The following DYNC2I1 variants were observed in gnomAD, a reference collection of about 807,000 sequenced individuals.
DYNC2I1 encodes cytoplasmic dynein 2 intermediate chain 1.
A neutral mutation model predicts 133.4 loss-of-function variants in DYNC2I1; 89 were observed. The ratio of observed to expected loss-of-function variants is 0.67; its 90% CI spans 0.56 to 0.80. DYNC2I1 has a LOEUF of 0.80. DYNC2I1 is among the 30% of genes least tolerant of loss of function. DYNC2I1 has a pLI of 0.00. For missense variants in DYNC2I1, 1,291 were observed against 1,314.5 expected (o/e 0.98, Z 0.28); for synonymous variants, 504 against 484.3 (o/e 1.04, Z -0.54).
In DYNC2I1 at chr7:158,876,658, T is replaced by C; in HGVS notation, c.540T>C (p.Asp180=). Residue 180 remains aspartate, a synonymous_variant, in exon 4 of 25, where the codon GAT becomes GAC. Coordinates refer to ENST00000407559, the MANE Select transcript of DYNC2I1 (RefSeq NM_018051.5). ...AAGATGAAGACTCTGAAAGAGGAGA[T>C]GAAGATAGAGAAAGAAGATACCGAG... is the stretch of plus-strand genomic sequence containing the variant. ...EEKDEDSERG[D]EDRERRYRER... The C allele has an allele frequency of 6.3e-7, 1 of 1,580,036 alleles. No individual in the cohort carries two copies. Among genetic ancestry groups the C allele is most frequent in the Non-Finnish European group, 8.5e-7 (1 of 1,169,822 alleles).
At chr7:158,890,659 T>A (rs1845118767) in intron 7 of DYNC2I1, among the ~76,000 whole-genome samples, 1 of 151,966 alleles carries the variant, frequency 6.6e-6, no homozygotes, top group South Asian at 2.1e-4. Context: ...GTGCAACCTC[T>A]GCCTCCTGAG....
intron 15 of DYNC2I1, among the ~76,000 whole-genome samples, chr7:158,919,882 C>T (rs896160983): frequency 9.4e-6 from 1 of 106,662 alleles, no homozygotes; most frequent in East Asian, 6.2e-4. Context: ...GTGTGCGCCG[C>T]CCCCAGGGAG....
chr7:158,954,641 C>T (rs879385088), intron 4 of DYNC2I1, among the ~76,000 whole-genome samples: 1 of 151,860 alleles, frequency 6.6e-6, no homozygotes, highest in Non-Finnish European at 1.5e-5. Flanking sequence ...GAATGAGACT[C>T]TCTCTCTAAA....
rs754866339 is a variant in DYNC2I1 at position 158,924,757 on chromosome 7, CCTT to C, written c.2257+1028_2257+1030del. On this transcript the variant is annotated intron_variant, in intron 17 of 24. Coordinates refer to ENST00000407559, the MANE Select transcript of DYNC2I1 (RefSeq NM_018051.5). ...AATAAATTATTCCATTAAAATACAT[CCTT>C]CTTTTTTTTTTTGAGATGTGGTCTG... 1.1e-4 allele frequency among the ~76,000 whole-genome samples: 16 copies of C among 152,172 alleles called. No homozygotes were observed. The South Asian group carries it at 2.3e-3, about 22-fold the overall frequency.
chr7:158,882,400 A>G lies in DYNC2I1; in HGVS notation c.880-2164A>G, dbSNP rs80271368. ...GGAGTTCAAGACCAGCCTGAGAAAT[A>G]TAGTGAGACCCCATCTCTACCAAAA... is the stretch of plus-strand genomic sequence containing the variant. On this transcript the variant is annotated intron_variant, in intron 5 of 24. Transcript: ENST00000407559. Among the ~76,000 whole-genome samples the G allele has an allele frequency of 6.1e-3, 930 of 152,110 alleles. 60 individuals carry two copies. The East Asian group carries it at 0.13, about 21-fold the overall frequency.
chr7:158,940,795 A>G (rs1851265957), intron 23 of DYNC2I1, among the ~76,000 whole-genome samples: 1 of 152,244 alleles, frequency 6.6e-6, no homozygotes, highest in African/African-American at 2.4e-5. Context: ...GAAAATGGAA[A>G]TGTGGCATAT....
chr7:158,912,016 C>T (rs1418713915), intron 12 of DYNC2I1, among the ~76,000 whole-genome samples: 1 of 152,158 alleles, frequency 6.6e-6, no homozygotes, highest in Non-Finnish European at 1.5e-5. Context: ...ACTCTGTCGC[C>T]CAGGCCAGAG....
chr7:158,876,421 T>C (rs576176019), intron 3 of DYNC2I1, among the ~76,000 whole-genome samples, 188 bp from the exon 4 acceptor site: 4 of 152,320 alleles, frequency 2.6e-5, no homozygotes, highest in African/African-American at 9.6e-5. Flanking sequence ...TTCATCTCCT[T>C]CTTCATTTTA....
At position 158,902,473 on chromosome 7, in the gene DYNC2I1, A is replaced by G. The variant is rs1846348179; in HGVS notation, c.1235A>G (p.Gln412Arg). The G allele has an allele frequency of 6.2e-7, 1 of 1,613,646 alleles. No homozygotes were observed. The highest frequency in any genetic ancestry group is 8.5e-7 in the Non-Finnish European group (1 of 1,179,576). ...AAACTGGAAGAACTTCCTCTAGCTCAAAAAAAGGAAATACAAGAAATTCAA... is the reference window on the plus strand; with the variant it reads ...AAACTGGAAGAACTTCCTCTAGCTCGAAAAAAGGAAATACAAGAAATTCAA... ...REKLEELPLA[Q>R]KKEIQEIQRA... is the part of the protein sequence containing the mutation. The change falls in exon 10 of 25, where the codon CAA (glutamine) becomes CGA (arginine). Residue 412 changes from glutamine (Q) to arginine (R), a missense_variant. Physicochemically the swap from Gln to Arg is conservative, Grantham distance 43. Coordinates refer to ENST00000407559, the MANE Select transcript of DYNC2I1 (RefSeq NM_018051.5).
upstream of DYNC2I1, among the ~76,000 whole-genome samples, chr7:158,854,545 G>C (rs1258844420): frequency 6.6e-6 from 1 of 152,128 alleles, no homozygotes; most frequent in Non-Finnish European, 1.5e-5. Flanking sequence ...TAATGTAGAT[G>C]ACGGGTTGAT....
At chr7:158,872,370 C>T (rs1167644776) in intron 3 of DYNC2I1, among the ~76,000 whole-genome samples, 5 of 150,772 alleles carry the variant, frequency 3.3e-5, no homozygotes, top group African/African-American at 7.3e-5. Context: ...CGGTGGCTCA[C>T]GCCTGTAATC....
intron 16 of DYNC2I1, 137 bp from the exon 17 acceptor site, chr7:158,923,434 G>A (rs1849285564): frequency 3.5e-6 from 4 of 1,158,588 alleles, no homozygotes; most frequent in African/African-American, 1.5e-5. Flanking sequence ...AGGAGTCTAC[G>A]TTCTGCTTAC....
chr7:158,958,186 A>G (rs2129490646), downstream of DYNC2I1, among the ~76,000 whole-genome samples: 1 of 152,306 alleles, frequency 6.6e-6, no homozygotes, highest in Non-Finnish European at 1.5e-5. Flanking sequence ...CGTCAGCCAC[A>G]GCCTCGTCCC....
At position 158,926,905 on chromosome 7, in the gene DYNC2I1, C is replaced by T. The variant is rs919599736; in HGVS notation, c.2434-87C>T. The stretch of plus-strand genomic sequence containing the variant: ...GTTATGTTTTAGTACCTAAATAGCA[C>T]TCCATCTTAATTAGAGCTATGCTTT... On this transcript the variant is annotated intron_variant, in intron 19 of 24. Coordinates refer to ENST00000407559, the MANE Select transcript of DYNC2I1 (RefSeq NM_018051.5). 12 of 982,744 alleles carry T rather than the reference C, an allele frequency of 1.2e-5. No homozygotes were observed. The African/African-American group carries it at 1.6e-4, about 14-fold the overall frequency. The allele number at this position is 982,744 out of a possible 1,614,324, so 60.9% of individuals were successfully genotyped here. A position where few individuals can be genotyped will look rare whatever the true frequency, so the allele number is the denominator to read the frequency against.
At chr7:158,893,565 G>T (rs934974263) in intron 8 of DYNC2I1, among the ~76,000 whole-genome samples, 2 of 152,178 alleles carry the variant, frequency 1.3e-5, no homozygotes, top group African/African-American at 4.8e-5. Context: ...AGTATTGGTT[G>T]TTCAGCCTCT....
intron 21 of DYNC2I1, among the ~76,000 whole-genome samples, chr7:158,931,762 A>G (rs1282130086): frequency 6.6e-6 from 1 of 152,146 alleles, no homozygotes; most frequent in Non-Finnish European, 1.5e-5. Flanking sequence ...TCAACCAACC[A>G]TGTTGAGCTT....
chr7:158,886,021 A>ATT (rs1418425526), intron 6 of DYNC2I1, among the ~76,000 whole-genome samples: 20 of 148,992 alleles, frequency 1.3e-4, no homozygotes, highest in Non-Finnish European at 2.7e-4. Flanking sequence ...TTATATTTTT[A>ATT]TTTTATATTA....
intron 13 of DYNC2I1, 117 bp from the exon 14 acceptor site, chr7:158,914,116 T>G: frequency 1.3e-6 from 1 of 770,446 alleles, no homozygotes; most frequent in Admixed American, 3.0e-5. Context: ...GTTTTCTGTC[T>G]TTTCCTTCTG....
chr7:158,849,962 G>C, the DYNC2I1 span, among the ~76,000 whole-genome samples: 4 of 152,236 alleles, frequency 2.6e-5, no homozygotes, highest in African/African-American at 9.6e-5. Context: ...CCTAGAGGTG[G>C]GGCCTTACTG....
Sources: gnomAD v4.1 joint callset for allele counts (sites outside exome capture counted in the v4.1 genomes callset) on GRCh38, gnomAD v4.1.1 for gene constraint, MANE v1.5 for transcripts, NCBI Gene and HGNC (gene_info 2026-07-23, HGNC 2026-07-21) for gene names.